The following PLXNC1 variants were observed in gnomAD, a reference collection of about 807,000 sequenced individuals.
PLXNC1 encodes plexin-C1.
PLXNC1 carries 75 observed loss-of-function variants against 178.2 expected under a neutral mutation model. The observed-to-expected ratio is 0.42, with a 90% CI of 0.35 to 0.51. PLXNC1 has a LOEUF of 0.51. PLXNC1 is among the 20% of genes least tolerant of loss of function. The pLI, the probability that PLXNC1 is intolerant of heterozygous loss-of-function variation, is 0.02. For missense variants in PLXNC1, 1,503 were observed against 1,984.4 expected, an observed-to-expected ratio of 0.76 and a Z score of 4.61; for synonymous variants, 790 against 779.9, an observed-to-expected ratio of 1.01 and a Z score of -0.22.
intron 22 of PLXNC1, 153 bp from the exon 23 acceptor site, chr12:94,282,135 AAAACAGAACT>A (rs1966485167): frequency 2.2e-6 from 1 of 465,110 alleles, no homozygotes; most frequent in African/African-American, 4.9e-5. Context: ...CAAACAAAGT[AAAACAGAACT>A]CAGAATTCAG....
rs571028442 is a variant in PLXNC1 at position 94,227,397 on chromosome 12, C to T, written c.1980+162C>T. The stretch of plus-strand genomic sequence containing the variant: ...TTTTAACCAAGTTTCACTTAATTAG[C>T]GCAATACATCAATGGCTGGACACTC... On this transcript the variant is annotated intron_variant, in intron 9 of 30. Coordinates refer to ENST00000258526, the MANE Select transcript of PLXNC1 (RefSeq NM_005761.3). 1.5e-4 allele frequency: 80 copies of T among 541,716 alleles called. No homozygotes were observed. The East Asian group carries it at 2.0e-3, about 14-fold the overall frequency. 33.6% of individuals were successfully genotyped at this position (541,716 alleles called of 1,614,324 possible). A position where few individuals can be genotyped will look rare whatever the true frequency, so the allele number is the denominator to read the frequency against.
intron 1 of PLXNC1, among the ~76,000 whole-genome samples, chr12:94,158,535 C>T (rs1485620400): frequency 6.6e-6 from 1 of 152,194 alleles, no homozygotes; most frequent in Non-Finnish European, 1.5e-5. Context: ...ATGGCGCATG[C>T]CCATAATCCC....
chr12:94,220,440 C>A (rs1328438989), intron 6 of PLXNC1, among the ~76,000 whole-genome samples: 1 of 152,122 alleles, frequency 6.6e-6, no homozygotes, highest in Non-Finnish European at 1.5e-5. Flanking sequence ...GGGCCGACTA[C>A]CCAAATGGTT....
At chr12:94,200,146 T>G (rs1255600375) in intron 4 of PLXNC1, among the ~76,000 whole-genome samples, 1 of 152,212 alleles carries the variant, frequency 6.6e-6, no homozygotes, top group African/African-American at 2.4e-5. Context: ...GACCTCAGCC[T>G]CCGTGCTACT....
chr12:94,225,173 T>C (rs1963904800), intron 7 of PLXNC1, among the ~76,000 whole-genome samples: 1 of 152,200 alleles, frequency 6.6e-6, no homozygotes, highest in African/African-American at 2.4e-5. Context: ...CTCAGATGCC[T>C]GACTTGCCAA....
Position 94,186,393 on chromosome 12 carries a change from A to C in PLXNC1, c.1359A>C (p.Ala453=), listed in dbSNP as rs1366572822. 1.9e-6 allele frequency: 3 copies of C among 1,613,398 alleles called. No individual in the cohort carries two copies. Among genetic ancestry groups the C allele is most frequent in the Non-Finnish European group, 1.7e-6 (2 of 1,179,410 alleles). ...AGKEVRRIRV[A]NCNKHKSCSE... ...TTTAGGTGAGGAGAATTCGTGTTGC[A>C]AACTGCAATAAACATAAATCCTGTT... is the stretch of plus-strand genomic sequence containing the variant. The change falls in exon 4 of 31, where the codon GCA becomes GCC. Residue 453 remains alanine, a synonymous_variant. Coordinates refer to ENST00000258526, the MANE Select transcript of PLXNC1 (RefSeq NM_005761.3).
intron 1 of PLXNC1, among the ~76,000 whole-genome samples, 160 bp from the exon 2 acceptor site, chr12:94,168,993 T>C (rs1379712425): frequency 6.6e-6 from 1 of 152,200 alleles, no homozygotes; most frequent in African/African-American, 2.4e-5. Flanking sequence ...TGCAAGGTAA[T>C]GAAAGGTTGC....
At chr12:94,257,710 T>C (rs1964886679) in intron 17 of PLXNC1, among the ~76,000 whole-genome samples, 4 of 151,548 alleles carry the variant, frequency 2.6e-5, no homozygotes, top group Admixed American at 2.6e-4. Context: ...ATCAAGACCA[T>C]CCTGGCTAAC....
At chr12:94,194,050 T>A (rs1033165002) in intron 4 of PLXNC1, among the ~76,000 whole-genome samples, 2 of 152,110 alleles carry the variant, frequency 1.3e-5, no homozygotes, top group African/African-American at 4.8e-5. Context: ...TCTGCTCAGC[T>A]TCTGGGGAGG....
chr12:94,219,142 T>C (rs1021402914), intron 5 of PLXNC1, among the ~76,000 whole-genome samples: 6 of 152,076 alleles, frequency 3.9e-5, no homozygotes, highest in Non-Finnish European at 1.5e-5. Flanking sequence ...ATTATGAAAA[T>C]AGAGATAAAG....
intron 4 of PLXNC1, among the ~76,000 whole-genome samples, chr12:94,187,537 G>C (rs969723064): frequency 6.6e-6 from 1 of 152,200 alleles, no homozygotes; most frequent in African/African-American, 2.4e-5. Context: ...GGCTGTTTCC[G>C]TCAGAGTCAC....
At chr12:94,303,952 A>G in intron 29 of PLXNC1, 25 bp from the exon 30 acceptor site, 3 of 1,606,656 alleles carry the variant, frequency 1.9e-6, no homozygotes, top group Non-Finnish European at 2.6e-6. Flanking sequence ...TCATTTCAGA[A>G]TCTCTCAACA....
intron 2 of PLXNC1, among the ~76,000 whole-genome samples, chr12:94,171,223 G>C (rs1469340465): frequency 6.6e-6 from 1 of 152,244 alleles, no homozygotes; most frequent in African/African-American, 2.4e-5. Context: ...CCAAGCTGCA[G>C]CTTCATGCTG....
chr12:94,175,852 A>G (rs11107425), intron 2 of PLXNC1, among the ~76,000 whole-genome samples: 62,416 of 152,118 alleles, frequency 0.41, 13,530 homozygotes, highest in South Asian at 0.61. Flanking sequence ...AAACAAGTAA[A>G]TGGATTAATC....
At chr12:94,197,461 G>GTCTC (rs1438128317) in intron 4 of PLXNC1, among the ~76,000 whole-genome samples, 30 of 59,148 alleles carry the variant, frequency 5.1e-4, no homozygotes, top group African/African-American at 1.6e-3. Context: ...CTCTCTCTCT[G>GTCTC]TCTCTCTCTC....
chr12:94,211,356 T>C (rs10507033), intron 5 of PLXNC1, among the ~76,000 whole-genome samples: 30,220 of 152,264 alleles, frequency 0.2, 3,144 homozygotes, highest in Middle Eastern at 0.26. Context: ...AACTTCGGAC[T>C]AATTATTTTA....
intron 28 of PLXNC1, 30 bp from the exon 29 acceptor site, chr12:94,303,726 T>TG (rs1378744192): frequency 1.6e-6 from 2 of 1,271,744 alleles, no homozygotes; most frequent in Non-Finnish European, 2.1e-6. Flanking sequence ...CTTTTGGTGA[T>TG]GGTTGCTTTT....
chr12:94,209,614 A>G lies in PLXNC1; in HGVS notation c.1464A>G (p.Val488=). 1 of 1,608,116 alleles carries G rather than the reference A, an allele frequency of 6.2e-7. No individual in the cohort carries two copies. The highest frequency in any genetic ancestry group is 8.5e-7 in the Non-Finnish European group (1 of 1,176,140). The part of the protein sequence containing the change: ...LQRCTFQGDC[V]HSENLENWLD... Reference sequence around the variant, plus strand: ...GGTGCACTTTTCAAGGAGATTGTGTACATTCAGAGAACTTAGAAAACTGGC... The same window carrying G: ...GGTGCACTTTTCAAGGAGATTGTGTGCATTCAGAGAACTTAGAAAACTGGC... Residue 488 remains valine (V), a synonymous_variant, in exon 5 of 31, where the codon GTA becomes GTG. Coordinates refer to ENST00000258526, the MANE Select transcript of PLXNC1 (RefSeq NM_005761.3).
At chr12:94,303,659 T>G in intron 28 of PLXNC1, 97 bp from the exon 29 acceptor site, 3 of 1,099,214 alleles carry the variant, frequency 2.7e-6, no homozygotes, top group Middle Eastern at 2.8e-4. Flanking sequence ...GTGGTGGGGG[T>G]TCAGCTACAT....
Sources: gnomAD v4.1 joint callset for allele counts (sites outside exome capture counted in the v4.1 genomes callset) on GRCh38, gnomAD v4.1.1 for gene constraint, MANE v1.5 for transcripts, NCBI Gene and HGNC (gene_info 2026-07-23, HGNC 2026-07-21) for gene names.